CFAP221: variants seen among roughly 807,000 people sequenced by gnomAD.
The protein encoded by CFAP221 is cilia- and flagella-associated protein 221.
CFAP221 carries 97 observed loss-of-function variants against 113.1 expected under a neutral mutation model. The ratio of observed to expected loss-of-function variants is 0.86; its 90% CI spans 0.73 to 1.02. The LOEUF is 1.02. CFAP221 is among the 50% of genes least tolerant of loss of function. The pLI, the probability that CFAP221 is intolerant of heterozygous loss-of-function variation, is 0.00. For synonymous variants in CFAP221, 331 were observed against 354.4 expected (o/e 0.93, Z 0.74); for missense variants, 1,025 against 1,013.4 (o/e 1.01, Z -0.16).
intron 21 of CFAP221, among the ~76,000 whole-genome samples, chr2:119,646,650 C>G (rs572942738): frequency 6.6e-6 from 1 of 152,320 alleles, no homozygotes; most frequent in African/African-American, 2.4e-5. Flanking sequence ...CAAACCATAT[C>G]AGTATCTAAC....
chr2:119,605,423 A>G lies in CFAP221; in HGVS notation c.1133+134A>G, dbSNP rs576870401. 308 of 712,702 alleles carry G rather than the reference A, an allele frequency of 4.3e-4. 1 individual carries two copies. The East Asian group carries it at 8.0e-3, about 19-fold the overall frequency. 44.1% of individuals were successfully genotyped at this position (712,702 alleles called of 1,614,324 possible). On this transcript the variant is annotated intron_variant, in intron 11 of 23. Transcript: ENST00000413369. ...AGAATTTAATGATTGTTTCACTGCC[A>G]GTGGTCCTTCAGTAGGAAGTTTCTA... is the stretch of plus-strand genomic sequence containing the variant.
In CFAP221 at chr2:119,552,721, C is replaced by CTTTCTTTAATAAGAAATAAATAGAAATA. The variant is rs1287956918; in HGVS notation, c.240+3572_240+3599dup. Among the ~76,000 whole-genome samples, 95 of 78,116 alleles carry CTTTCTTTAATAAGAAATAAATAGAAATA rather than the reference C, an allele frequency of 1.2e-3. 9 individuals carry two copies. Among genetic ancestry groups the CTTTCTTTAATAAGAAATAAATAGAAATA allele is most frequent in the African/African-American group, 3.9e-3 (75 of 19,268 alleles). 51.2% of individuals were successfully genotyped at this position (78,116 alleles called of 152,430 possible). A position where few individuals can be genotyped will look rare whatever the true frequency, so the allele number is the denominator to read the frequency against. On this transcript the variant is annotated intron_variant, in intron 3 of 23. Transcript: ENST00000413369. ...TAATAAGAAATAAATAGAAATATTTCTTTCTTTAATAAGAAATAAATAGAA... is the reference window on the plus strand; with the variant it reads ...TAATAAGAAATAAATAGAAATATTTCTTTCTTTAATAAGAAATAAATAGAAATATTTCTTTAATAAGAAATAAATAGAA...
chr2:119,561,875 T>A, intron 5 of CFAP221, 139 bp from the exon 6 acceptor site: 2 of 653,060 alleles, frequency 3.1e-6, no homozygotes, highest in Non-Finnish European at 5.2e-6. Flanking sequence ...GTATGTCTAA[T>A]GTTGTAGTTA....
At chr2:119,602,574 T>C in intron 8 of CFAP221, 1 of 963,168 alleles carries the variant, frequency 1.0e-6, no homozygotes. Flanking sequence ...CTCCATGATA[T>C]CTTAGATATT....
chr2:119,607,965 A>C (rs557138454), intron 11 of CFAP221, among the ~76,000 whole-genome samples: 17 of 152,226 alleles, frequency 1.1e-4, no homozygotes, highest in Non-Finnish European at 2.4e-4. Context: ...TGCTGCTATG[A>C]ACATTTATAT....
chr2:119,639,842 C>T lies in CFAP221; in HGVS notation c.2195C>T (p.Pro732Leu), dbSNP rs150732635. The part of the protein sequence containing the change: ...SFQSLVLSSL[P>L]DPSKMETTKS... Reference sequence around the variant, plus strand: ...CAGTCCCTGGTTCTCTCCTCCCTGCCGGACCCCTCCAAGATGGAGACCACA... The same window carrying T: ...CAGTCCCTGGTTCTCTCCTCCCTGCTGGACCCCTCCAAGATGGAGACCACA... Residue 732 changes from proline to leucine, a missense_variant, in exon 21 of 24, where the codon CCG becomes CTG. Transcript: ENST00000413369. The T allele has an allele frequency of 1.9e-4, 308 of 1,613,966 alleles. 1 individual carries two copies. Among genetic ancestry groups the T allele is most frequent in the South Asian group, 6.6e-5 (6 of 91,064 alleles).
At chr2:119,636,406 C>A (rs896926937) in intron 19 of CFAP221, among the ~76,000 whole-genome samples, 2 of 152,084 alleles carry the variant, frequency 1.3e-5, no homozygotes, top group Non-Finnish European at 2.9e-5. Context: ...AAATACTCAA[C>A]TAAAGATGAT....
At chr2:119,571,615 T>C (rs990794260) in intron 6 of CFAP221, among the ~76,000 whole-genome samples, 6 of 152,000 alleles carry the variant, frequency 3.9e-5, no homozygotes, top group African/African-American at 1.5e-4. Context: ...CCACCACACC[T>C]AGCTAACTTT....
At chr2:119,608,714 G>A (rs1341235052) in intron 12 of CFAP221, 125 bp downstream of exon 12, 11 of 766,096 alleles carry the variant, frequency 1.4e-5, no homozygotes, top group Non-Finnish European at 2.2e-5. Flanking sequence ...CTGACGACAA[G>A]TAAATTGTCA....
chr2:119,625,257 C>G (rs1459464995), intron 14 of CFAP221, among the ~76,000 whole-genome samples: 1 of 152,196 alleles, frequency 6.6e-6, no homozygotes, highest in Admixed American at 6.5e-5. Flanking sequence ...GGTAGCATTA[C>G]TATTCAGACA....
At chr2:119,648,360 G>A (rs550553917) in intron 22 of CFAP221, 128 of 190,748 alleles carry the variant, frequency 6.7e-4, no homozygotes, top group Admixed American at 1.2e-3. Context: ...CCTCCATCCA[G>A]TGTTATGTCT....
intron 11 of CFAP221, among the ~76,000 whole-genome samples, chr2:119,606,207 G>GC (rs1684751436): frequency 6.7e-6 from 1 of 150,238 alleles, no homozygotes; most frequent in South Asian, 2.1e-4. Flanking sequence ...TCACTATGTT[G>GC]CCCAGGTGGG....
rs189911275 is a variant in CFAP221 at position 119,640,682 on chromosome 2, C to T, written c.2225+810C>T. On this transcript the variant is annotated intron_variant, in intron 21 of 23. Transcript: ENST00000413369. ...TCCTCTGATCCAGAATGAGGCCCAC[C>T]CCAAGGTGGCAGAGCCCTGGCATGG... Among the ~76,000 whole-genome samples, 8 of 152,282 alleles carry T rather than the reference C, an allele frequency of 5.3e-5. No individual in the cohort carries two copies. The Middle Eastern group carries it at 0.017, about 324-fold the overall frequency.
chr2:119,618,013 T>A (rs1381072127), intron 14 of CFAP221, among the ~76,000 whole-genome samples: 1 of 152,208 alleles, frequency 6.6e-6, no homozygotes, highest in Non-Finnish European at 1.5e-5. Context: ...TGCAGAGGCC[T>A]TCCCTCATTA....
intron 21 of CFAP221, among the ~76,000 whole-genome samples, chr2:119,641,831 G>A (rs1687509014): frequency 6.6e-6 from 1 of 152,178 alleles, no homozygotes; most frequent in Non-Finnish European, 1.5e-5. Flanking sequence ...ACTGACCTAT[G>A]CAGTCAGTAA....
At chr2:119,567,166 C>T (rs1179274091) in intron 6 of CFAP221, among the ~76,000 whole-genome samples, 1 of 152,184 alleles carries the variant, frequency 6.6e-6, no homozygotes, top group African/African-American at 2.4e-5. Context: ...AGGGTTCACT[C>T]TTGGTGCTGT....
chr2:119,546,545 G>T (rs1319331328), intron 2 of CFAP221, among the ~76,000 whole-genome samples: 5 of 152,040 alleles, frequency 3.3e-5, no homozygotes, highest in African/African-American at 1.2e-4. Context: ...TGTTCAGCAG[G>T]CAGCTGGGAC....
At chr2:119,602,158 T>A (rs1324501402) in intron 8 of CFAP221, among the ~76,000 whole-genome samples, 1 of 152,100 alleles carries the variant, frequency 6.6e-6, no homozygotes, top group East Asian at 1.9e-4. Context: ...GACGGGTGGA[T>A]CACCTGAGGT....
At chr2:119,571,133 C>CTTTTTTTTTT (rs34017847) in intron 6 of CFAP221, among the ~76,000 whole-genome samples, 11 of 93,126 alleles carry the variant, frequency 1.2e-4, no homozygotes, top group Non-Finnish European at 1.4e-4. Context: ...TAACAACCCC[C>CTTTTTTTTTT]TTTTTTTTTT....
Sources: allele counts gnomAD v4.1 joint callset (sites outside exome capture counted in the v4.1 genomes callset), GRCh38; gene constraint gnomAD v4.1.1; transcripts MANE v1.5; gene names NCBI Gene and HGNC (gene_info 2026-07-23, HGNC 2026-07-21).